CCDC191: variants seen among roughly 807,000 people sequenced by gnomAD.
CCDC191 encodes the protein coiled-coil domain-containing protein 191.
Under a neutral mutation model 114.0 loss-of-function variants are expected in CCDC191, and 99 were observed. That is an observed-to-expected ratio of 0.87 (90% CI 0.74 to 1.03). CCDC191 has a LOEUF of 1.03. CCDC191 is among the 50% of genes least tolerant of loss of function. CCDC191 has a pLI of 0.00. For missense variants in CCDC191, 973 were observed against 1,087.0 expected (o/e 0.90, Z 1.47); for synonymous variants, 351 against 376.0 (o/e 0.93, Z 0.77).
rs537332724 is a variant in CCDC191, at chr3:114,013,249, G to GA, written c.1164-2229dup. Among the ~76,000 whole-genome samples the GA allele has an allele frequency of 1.7e-3, 225 of 132,864 alleles. 1 individual carries two copies. The highest frequency in any genetic ancestry group is 4.6e-3 in the Admixed American group (62 of 13,354). 87.2% of individuals were successfully genotyped at this position (132,864 alleles called of 152,430 possible). A position where few individuals can be genotyped will look rare whatever the true frequency, so the allele number is the denominator to read the frequency against. ...CAACAGAGTGAGACCCTGTGTCAAA[G>GA]AAAAAAAAAAAAGTAAAAAAGAAAA... On this transcript the variant is annotated intron_variant, in intron 8 of 16. Coordinates refer to ENST00000295878, the MANE Select transcript of CCDC191 (RefSeq NM_020817.2).
Position 113,978,232 on chromosome 3 carries a change from T to C in CCDC191, c.2560A>G (p.Ile854Val). 1 of 1,614,092 alleles carries C rather than the reference T, an allele frequency of 6.2e-7. No homozygotes were observed. The highest frequency in any genetic ancestry group is 8.5e-7 in the Non-Finnish European group (1 of 1,179,956). The change falls in exon 16 of 17, where the codon ATC becomes GTC. Residue 854 changes from isoleucine (I) to valine (V), a missense_variant. Coordinates refer to ENST00000295878, the MANE Select transcript of CCDC191 (RefSeq NM_020817.2). ...AWFNMVREVK[I>V]DSQGKHEIAA... ...ATCTCATGCTTGCCCTGAGAATCGA[T>C]CTTCACCTCCCTGACCATGTTAAAC...
At chr3:113,973,022 T>G (rs1172604923) in intron 16 of CCDC191, among the ~76,000 whole-genome samples, 1 of 152,196 alleles carries the variant, frequency 6.6e-6, no homozygotes, top group Non-Finnish European at 1.5e-5. Flanking sequence ...CTCTATGTCT[T>G]TTAATTGGAG....
At chr3:114,000,442 G>A (rs1347527502) in intron 13 of CCDC191, among the ~76,000 whole-genome samples, 1 of 152,146 alleles carries the variant, frequency 6.6e-6, no homozygotes, top group Non-Finnish European at 1.5e-5. Context: ...GATGGCAGAT[G>A]GCAGATCATG....
Position 113,965,016 on chromosome 3 carries a change from T to C in CCDC191, c.*139A>G. ...AAAAGTCAAAGAAGGGAATAAAAAT[T>C]CTCAAAATAATTCCTTTGATCTAAG... On this transcript the variant is annotated 3_prime_UTR_variant, in exon 17 of 17. Coordinates refer to ENST00000295878, the MANE Select transcript of CCDC191 (RefSeq NM_020817.2). 1 of 468,676 alleles carries C rather than the reference T, an allele frequency of 2.1e-6. No homozygotes were observed. Among genetic ancestry groups the C allele is most frequent in the Non-Finnish European group, 3.7e-6 (1 of 271,396 alleles). The allele number at this position is 468,676 out of a possible 1,614,324, so 29.0% of individuals were successfully genotyped here. A position where few individuals can be genotyped will look rare whatever the true frequency, so the allele number is the denominator to read the frequency against.
At chr3:113,990,607 A>G (rs752187174) in intron 13 of CCDC191, among the ~76,000 whole-genome samples, 1 of 151,594 alleles carries the variant, frequency 6.6e-6, no homozygotes, top group Non-Finnish European at 1.5e-5. Flanking sequence ...ACCTACAGAA[A>G]TAAAAAATTT....
At chr3:114,049,193 A>T (rs577940791) in intron 2 of CCDC191, among the ~76,000 whole-genome samples, 1 of 152,372 alleles carries the variant, frequency 6.6e-6, no homozygotes, top group Admixed American at 6.5e-5. Context: ...GTTAGAGTCA[A>T]GAAAATATCA....
chr3:114,001,254 G>A (rs1421001575), intron 13 of CCDC191, among the ~76,000 whole-genome samples: 2 of 152,174 alleles, frequency 1.3e-5, no homozygotes, highest in Non-Finnish European at 2.9e-5. Context: ...AGTTGGGGAT[G>A]TAGAAATGAA....
intron 16 of CCDC191, among the ~76,000 whole-genome samples, chr3:113,967,419 C>T (rs1940315133): frequency 6.6e-6 from 1 of 152,126 alleles, no homozygotes; most frequent in African/African-American, 2.4e-5. Flanking sequence ...CCCTACATTT[C>T]TCTTTCTTTC....
chr3:114,001,052 A>T (rs2075846091), intron 13 of CCDC191, among the ~76,000 whole-genome samples: 1 of 152,122 alleles, frequency 6.6e-6, no homozygotes, highest in Admixed American at 6.6e-5. Flanking sequence ...TCCCAAGCAG[A>T]ATTTAATAAC....
At chr3:114,012,750 TATTA>T (rs538992102) in intron 8 of CCDC191, among the ~76,000 whole-genome samples, 621 of 152,366 alleles carry the variant, frequency 4.1e-3, no homozygotes, top group Non-Finnish European at 7.5e-3. Context: ...TTACCTGATG[TATTA>T]ATTTCCTGTT....
chr3:114,031,231 A>G (rs1358680886), intron 7 of CCDC191, among the ~76,000 whole-genome samples: 1 of 152,234 alleles, frequency 6.6e-6, no homozygotes, highest in African/African-American at 2.4e-5. Flanking sequence ...CAGTTCTTGT[A>G]TCTTCTGAAT....
intron 16 of CCDC191, among the ~76,000 whole-genome samples, chr3:113,972,552 C>T (rs1281133863): frequency 6.6e-6 from 1 of 152,130 alleles, no homozygotes; most frequent in Non-Finnish European, 1.5e-5. Context: ...TATTCTTCAA[C>T]AGCTGGATAA....
intron 8 of CCDC191, among the ~76,000 whole-genome samples, chr3:114,011,698 C>T (rs1168812252): frequency 6.6e-6 from 1 of 152,194 alleles, no homozygotes; most frequent in East Asian, 1.9e-4. Flanking sequence ...TTTTCTACAC[C>T]TTCCTAAGGA....
intron 1 of CCDC191, among the ~76,000 whole-genome samples, chr3:114,054,893 G>T (rs897799421): frequency 2.8e-4 from 42 of 152,026 alleles, no homozygotes; most frequent in Non-Finnish European, 5.9e-4. Flanking sequence ...AAAAATTCAG[G>T]TGTGTTTTTA....
chr3:114,054,990 C>G (rs2076748925), intron 1 of CCDC191, among the ~76,000 whole-genome samples: 1 of 151,342 alleles, frequency 6.6e-6, no homozygotes, highest in Admixed American at 6.6e-5. Context: ...GCTTCTTACT[C>G]AAATATACTC....
chr3:114,046,178 A>C (rs374933511), intron 3 of CCDC191, among the ~76,000 whole-genome samples: 1 of 152,202 alleles, frequency 6.6e-6, no homozygotes, highest in Non-Finnish European at 1.5e-5. Flanking sequence ...CGAAAATACC[A>C]AATTCCAGAA....
chr3:114,002,083 G>A (rs2075866249), intron 12 of CCDC191, among the ~76,000 whole-genome samples: 1 of 152,012 alleles, frequency 6.6e-6, no homozygotes, highest in African/African-American at 2.4e-5. Flanking sequence ...TTTTTTCTTG[G>A]TAGTTACAAA....
At chr3:114,003,291 A>T in intron 11 of CCDC191, 1 of 985,450 alleles carries the variant, frequency 1.0e-6, no homozygotes, top group African/African-American at 1.7e-5. Flanking sequence ...CACCTAAGCC[A>T]GCCAATAGTT....
rs760547589 is a variant in CCDC191, at chr3:114,004,712, T to G, written c.1903A>C (p.Ser635Arg). The G allele has an allele frequency of 1.7e-5, 28 of 1,612,378 alleles. No individual in the cohort carries two copies. In the South Asian group the frequency reaches 2.1e-4, roughly 12 times the overall value. ...CCAGAAAGAGAATTTCGGGAGTCACTTCTGCCTTCAGTCCCAGGGGAAGCA... is the reference window on the plus strand; with the variant it reads ...CCAGAAAGAGAATTTCGGGAGTCACGTCTGCCTTCAGTCCCAGGGGAAGCA... ...PVASPGTEGR[S>R]DSRNSLSGLR... The change falls in exon 11 of 17, where the codon AGT becomes CGT. Residue 635 changes from serine (S) to arginine (R), a missense_variant. Physicochemically the swap from Ser to Arg is moderately radical, Grantham distance 110. Coordinates refer to ENST00000295878, the MANE Select transcript of CCDC191 (RefSeq NM_020817.2).
Sources: gnomAD v4.1 joint callset for allele counts (sites outside exome capture counted in the v4.1 genomes callset) on GRCh38, gnomAD v4.1.1 for gene constraint, MANE v1.5 for transcripts, NCBI Gene and HGNC (gene_info 2026-07-23, HGNC 2026-07-21) for gene names.